Variants in FAM135B observed in about 807,000 individuals in gnomAD.
The protein encoded by FAM135B is protein FAM135B.
Under a neutral mutation model 127.7 loss-of-function variants are expected in FAM135B, and 43 were observed. That is an observed-to-expected ratio of 0.34 (90% confidence interval 0.26 to 0.43). The LOEUF (loss-of-function observed/expected upper bound fraction) is 0.43. Among genes scored for constraint, FAM135B ranks in the 20% least tolerant of loss-of-function variants. The probability of loss-of-function intolerance (pLI) is 1.00; values close to 1 mark genes in which losing one functional copy is unlikely to be tolerated. For synonymous variants in FAM135B, 670 were observed against 665.1 expected, an observed-to-expected ratio of 1.01 and a Z score of -0.11; for missense variants, 1,558 against 1,725.6, an observed-to-expected ratio of 0.90 and a Z score of 1.72.
At chr8:138,407,216 C>T (rs1833562015) in intron 1 of FAM135B, among the ~76,000 whole-genome samples, 1 of 149,386 alleles carries the variant, frequency 6.7e-6, no homozygotes. Flanking sequence ...TGAAGGACCT[C>T]TTCAAGGAGA....
chr8:138,311,837 G>T lies in FAM135B; in HGVS notation c.78-917C>A, dbSNP rs528349301. Among the ~76,000 whole-genome samples the T allele has an allele frequency of 2.0e-5, 3 of 152,260 alleles. No individual in the cohort carries two copies. In the East Asian group the frequency reaches 5.8e-4, roughly 29 times the overall value. On this transcript the variant is annotated intron_variant, in intron 2 of 19. Coordinates refer to ENST00000395297, the MANE Select transcript of FAM135B (RefSeq NM_015912.4). ...TATAAATGATGAACAAAAATGAAGA[G>T]AAAAGGGCACTGGCGCTGGATTCAT...
chr8:138,448,984 A>G (rs1418737404), intron 1 of FAM135B, among the ~76,000 whole-genome samples: 3 of 152,234 alleles, frequency 2.0e-5, no homozygotes, highest in Admixed American at 6.5e-5. Context: ...GACTAAATAC[A>G]TATTTCAATC....
At chr8:138,216,669 G>A (rs947069232) in intron 7 of FAM135B, among the ~76,000 whole-genome samples, 1 of 152,242 alleles carries the variant, frequency 6.6e-6, no homozygotes, top group African/African-American at 2.4e-5. Context: ...TTATGAACAA[G>A]TTGGTGGTTG....
intron 17 of FAM135B, 145 bp from the exon 18 acceptor site, chr8:138,139,241 G>A (rs1816920253): frequency 1.7e-6 from 1 of 572,292 alleles, no homozygotes; most frequent in Non-Finnish European, 3.1e-6. Context: ...CAAATAGTTG[G>A]GAAGTTAGAG....
intron 1 of FAM135B, among the ~76,000 whole-genome samples, chr8:138,492,027 C>T (rs11166827): frequency 0.58 from 88,597 of 152,062 alleles, 30,983 homozygotes; most frequent in Non-Finnish European, 0.75. Flanking sequence ...TCAGATTTTA[C>T]TCTGAGTTAG....
rs543709950 is a variant in FAM135B, at chr8:138,179,481, G to C, written c.874-791C>G. On this transcript the variant is annotated intron_variant, in intron 9 of 19. Transcript: ENST00000395297. ...GTGAAATGAAAGTCAGTAAAAGAAT[G>C]CCCAACCTCACATACAGCAGGGATT... Among the ~76,000 whole-genome samples the C allele has an allele frequency of 2.6e-5, 4 of 152,262 alleles. No homozygotes were observed. In the South Asian group the frequency reaches 8.3e-4, roughly 32 times the overall value.
At chr8:138,472,915 T>G (rs921073499) in intron 1 of FAM135B, among the ~76,000 whole-genome samples, 2 of 152,174 alleles carry the variant, frequency 1.3e-5, no homozygotes, top group Admixed American at 6.5e-5. Context: ...AATGCATGTT[T>G]TATCACAAAT....
intron 2 of FAM135B, among the ~76,000 whole-genome samples, chr8:138,340,788 T>C (rs889814198): frequency 1.3e-5 from 2 of 152,154 alleles, no homozygotes; most frequent in Non-Finnish European, 2.9e-5. Flanking sequence ...CAACTCTCTC[T>C]GTGCCTCGTG....
chr8:138,277,001 C>A lies in FAM135B; in HGVS notation c.158-11159G>T, dbSNP rs950020864. Among the ~76,000 whole-genome samples the A allele has an allele frequency of 5.9e-5, 9 of 152,324 alleles. 1 individual carries two copies. The East Asian group carries it at 1.7e-3, about 29-fold the overall frequency. On this transcript the variant is annotated intron_variant, in intron 3 of 19. Transcript: ENST00000395297. ...TGCTTGTTATAACAACTGCTCCTAT[C>A]AGATGCACTGGCTGAATATTGCCCC... is the stretch of plus-strand genomic sequence containing the variant.
intron 6 of FAM135B, among the ~76,000 whole-genome samples, chr8:138,249,630 C>T (rs963809423): frequency 8.5e-5 from 13 of 152,108 alleles, no homozygotes; most frequent in Admixed American, 3.9e-4. Flanking sequence ...CTCCTGGTCA[C>T]GTGGCATGGG....
intron 4 of FAM135B, among the ~76,000 whole-genome samples, chr8:138,258,571 T>C (rs1822288733): frequency 6.6e-6 from 1 of 152,104 alleles, no homozygotes; most frequent in Admixed American, 6.5e-5. Flanking sequence ...GCCTGGGTAA[T>C]GAAAATTCAA....
intron 1 of FAM135B, among the ~76,000 whole-genome samples, chr8:138,434,376 T>C (rs960133073): frequency 1.3e-5 from 2 of 152,152 alleles, no homozygotes; most frequent in Non-Finnish European, 2.9e-5. Flanking sequence ...CACTGAGCAT[T>C]TGCTCTGTCC....
chr8:138,174,864 T>C (rs1231547746), intron 11 of FAM135B, among the ~76,000 whole-genome samples: 2 of 152,320 alleles, frequency 1.3e-5, no homozygotes, highest in Middle Eastern at 3.4e-3. Context: ...TAGCATATCA[T>C]ATCTATGTAC....
chr8:138,417,994 T>A (rs915235399), intron 1 of FAM135B, among the ~76,000 whole-genome samples: 1 of 152,114 alleles, frequency 6.6e-6, no homozygotes, highest in Non-Finnish European at 1.5e-5. Flanking sequence ...TGGATGATAA[T>A]GATTATCATC....
intron 1 of FAM135B, among the ~76,000 whole-genome samples, chr8:138,395,737 T>C (rs1832815087): frequency 6.6e-6 from 1 of 152,224 alleles, no homozygotes; most frequent in African/African-American, 2.4e-5. Flanking sequence ...AGAAAGATTC[T>C]AGACTCTTAA....
intron 1 of FAM135B, among the ~76,000 whole-genome samples, chr8:138,404,720 A>G (rs1833355531): frequency 6.6e-6 from 1 of 152,138 alleles, no homozygotes; most frequent in African/African-American, 2.4e-5. Flanking sequence ...CGCTCATAAG[A>G]AGCAACTTCT....
chr8:138,381,020 G>A (rs1395222322), intron 1 of FAM135B, among the ~76,000 whole-genome samples: 2 of 152,082 alleles, frequency 1.3e-5, no homozygotes, highest in East Asian at 3.9e-4. Context: ...GGTTTGGGCG[G>A]TTGTTGCACA....
At chr8:138,153,325 C>G in intron 12 of FAM135B, 109 bp from the exon 13 acceptor site, 2 of 850,914 alleles carry the variant, frequency 2.4e-6, no homozygotes, top group East Asian at 2.8e-5. Flanking sequence ...GGACTCGGTT[C>G]GAAGATGGGA....
At chr8:138,348,150 T>TTTTTTTTTG (rs1554671495) in intron 2 of FAM135B, among the ~76,000 whole-genome samples, 3 of 90,342 alleles carry the variant, frequency 3.3e-5, no homozygotes, top group African/African-American at 9.6e-5. Flanking sequence ...TTTTTTTTTT[T>TTTTTTTTTG]TGAGAAGGAA....
Sources: allele counts gnomAD v4.1 joint callset (sites outside exome capture counted in the v4.1 genomes callset), GRCh38; gene constraint gnomAD v4.1.1; transcripts MANE v1.5; gene names NCBI Gene and HGNC (gene_info 2026-07-23, HGNC 2026-07-21).